The following HDAC8 variants were observed in gnomAD, a reference collection of about 807,000 sequenced individuals.
HDAC8 encodes the protein histone deacetylase-like 1.
HDAC8 carries 1 observed loss-of-function variant against 32.2 expected under a neutral mutation model. The observed-to-expected ratio is 0.03, with a 90% CI of 0.01 to 0.15. The LOEUF is 0.15. Ranked by LOEUF, HDAC8 falls within the 10% of genes least tolerant of loss-of-function variation. The pLI is 1.00. For missense variants in HDAC8, 117 were observed against 300.0 expected, an observed-to-expected ratio of 0.39 and a Z score of 4.51; for synonymous variants, 108 against 113.9, an observed-to-expected ratio of 0.95 and a Z score of 0.33.
chrX:72,469,808 C>G (rs1165576809), intron 7 of HDAC8, among the ~76,000 whole-genome samples: 1 of 111,392 alleles, frequency 9.0e-6, no homozygotes, highest in Non-Finnish European at 1.9e-5. Context: ...AGCAGCTAGT[C>G]TAATTTTTGA....
chrX:72,378,856 T>G (rs782225282), intron 9 of HDAC8, among the ~76,000 whole-genome samples: 1 of 110,806 alleles, frequency 9.0e-6, no homozygotes, highest in East Asian at 2.8e-4. Context: ...GCCTGAAGGA[T>G]TCCCTTCAGT....
chrX:72,506,355 C>T (rs1030107742), intron 4 of HDAC8, among the ~76,000 whole-genome samples: 1 of 111,770 alleles, frequency 8.9e-6, no homozygotes, highest in African/African-American at 3.3e-5. Flanking sequence ...AATTGGGCAG[C>T]TGCATCTGGT....
intron 9 of HDAC8, among the ~76,000 whole-genome samples, chrX:72,453,885 G>A (rs2047654236): frequency 8.9e-6 from 1 of 112,429 alleles, no homozygotes; most frequent in Admixed American, 9.4e-5. Context: ...AGAAGGCAAT[G>A]AAATAATATC....
chrX:72,329,671 C>T lies in HDAC8; in HGVS notation c.*383G>A. ...GGCCCAAACCCTGCCTGTCAGCTGC[C>T]TCCTGCCCTACAAACTGGTGACTGC... On this transcript the variant is annotated 3_prime_UTR_variant, in exon 11 of 11. Coordinates refer to ENST00000373573, the MANE Select transcript of HDAC8 (RefSeq NM_018486.3). 8.4e-7 allele frequency: 1 copy of T among 1,187,861 alleles called. No individual in the cohort carries two copies. The highest frequency in any genetic ancestry group is 3.1e-5 in the East Asian group (1 of 32,673).
intron 9 of HDAC8, among the ~76,000 whole-genome samples, chrX:72,384,828 G>A (rs1461155939): frequency 8.9e-6 from 1 of 112,048 alleles, no homozygotes; most frequent in African/African-American, 3.2e-5. Context: ...GAGACAGACT[G>A]CATATGTAAG....
rs782591865 is a variant in HDAC8, at chrX:72,348,422, G to A, written c.1111+3311C>T. 4.5e-5 allele frequency among the ~76,000 whole-genome samples: 5 copies of A among 112,285 alleles called. No individual in the cohort carries two copies. The South Asian group carries it at 1.1e-3, about 25-fold the overall frequency. ...TCAGAAAATTCAGCAGCCTTTCCAC[G>A]CTGACCATTGTCATGGCAACGCACT... On this transcript the variant is annotated intron_variant, in intron 10 of 10. Coordinates refer to ENST00000373573, the MANE Select transcript of HDAC8 (RefSeq NM_018486.3).
chrX:72,565,510 C>G (rs782777911), intron 4 of HDAC8, among the ~76,000 whole-genome samples: 1 of 111,879 alleles, frequency 8.9e-6, no homozygotes, highest in African/African-American at 3.3e-5. Context: ...TGTGGGTATC[C>G]CCATGTCTGT....
At position 72,432,144 on chromosome X, in the gene HDAC8, AT is replaced by A. The variant is rs535637013; in HGVS notation, c.1005+29859del. Among the ~76,000 whole-genome samples, 6 of 105,654 alleles carry A rather than the reference AT, an allele frequency of 5.7e-5. 1 individual carries two copies. In the East Asian group the frequency reaches 8.9e-4, roughly 16 times the overall value. 91.7% of individuals were successfully genotyped at this position (105,654 alleles called of 115,157 possible). A position where few individuals can be genotyped will look rare whatever the true frequency, so the allele number is the denominator to read the frequency against. The stretch of plus-strand genomic sequence containing the variant: ...TACCACCTCACCCAATTAATTTTTT[AT>A]TTTTTTTTTGTGGAGACAGGGTCTC... On this transcript the variant is annotated intron_variant, in intron 9 of 10. Coordinates refer to ENST00000373573, the MANE Select transcript of HDAC8 (RefSeq NM_018486.3).
In HDAC8 at chrX:72,557,492, T is replaced by C. The variant is rs367998606; in HGVS notation, c.437+10397A>G. Among the ~76,000 whole-genome samples the C allele has an allele frequency of 3.6e-5, 4 of 111,708 alleles. No homozygotes were observed. In the South Asian group the frequency reaches 1.1e-3, roughly 32 times the overall value. ...AATGAACATTGGGTCAACAATGAAA[T>C]CAAGACAAAAGTTAAAAAATTCTTT... On this transcript the variant is annotated intron_variant, in intron 4 of 10. Transcript: ENST00000373573.
chrX:72,407,183 T>C (rs1208885824), intron 9 of HDAC8, among the ~76,000 whole-genome samples: 2 of 112,668 alleles, frequency 1.8e-5, no homozygotes, highest in Non-Finnish European at 3.8e-5. Context: ...CCTGGATTAC[T>C]TGGGCGAGCT....
Position 72,490,919 on chromosome X carries a change from G to C in HDAC8, c.628+10C>G, listed in dbSNP as rs2048850532. The stretch of plus-strand genomic sequence containing the variant: ...TCATCAAATGTAATACTGAGTTTAT[G>C]ATCACTTGCCTGGGAAAAATCCTGG... On this transcript the variant is annotated intron_variant, in intron 6 of 10. Coordinates refer to ENST00000373573, the MANE Select transcript of HDAC8 (RefSeq NM_018486.3). The C allele has an allele frequency of 3.4e-6, 4 of 1,171,389 alleles. No homozygotes were observed. The highest frequency in any genetic ancestry group is 1.8e-5 in the African/African-American group (1 of 56,278).
At chrX:72,449,354 C>G (rs1387372054) in intron 9 of HDAC8, among the ~76,000 whole-genome samples, 1 of 111,182 alleles carries the variant, frequency 9.0e-6, no homozygotes, top group African/African-American at 3.3e-5. Flanking sequence ...CGCATGTTCT[C>G]AGTCATAAGT....
intron 9 of HDAC8, among the ~76,000 whole-genome samples, chrX:72,387,337 A>C (rs1406956295): frequency 8.9e-6 from 1 of 112,090 alleles, no homozygotes; most frequent in Non-Finnish European, 1.9e-5. Context: ...TCTCGTGCTT[A>C]AGGAGTTTAG....
chrX:72,416,569 C>T (rs2984285), intron 9 of HDAC8, among the ~76,000 whole-genome samples: 9,480 of 103,548 alleles, frequency 0.092, 1,104 homozygotes, highest in African/African-American at 0.31. Context: ...TATAACCTTC[C>T]TTCTACTTGC....
intron 4 of HDAC8, among the ~76,000 whole-genome samples, chrX:72,536,349 A>G (rs2050523926): frequency 1.8e-5 from 2 of 112,199 alleles, no homozygotes; most frequent in African/African-American, 6.5e-5. Context: ...CAGGAGACCT[A>G]GGTCTCTGCT....
intron 7 of HDAC8, among the ~76,000 whole-genome samples, chrX:72,471,249 C>A (rs1233332636): frequency 1.5e-4 from 17 of 112,460 alleles, no homozygotes; most frequent in Non-Finnish European, 3.2e-4. Flanking sequence ...GATGTTATTT[C>A]CACTTTTTGG....
At chrX:72,567,823 A>C (rs916855392) in intron 4 of HDAC8, 66 bp downstream of exon 4, 3 of 1,211,065 alleles carry the variant, frequency 2.5e-6, no homozygotes, top group Non-Finnish European at 3.4e-6. Flanking sequence ...AATAAGCATA[A>C]GAGTTTACAT....
intron 4 of HDAC8, among the ~76,000 whole-genome samples, chrX:72,525,588 T>A (rs994610985): frequency 1.8e-5 from 2 of 109,128 alleles, no homozygotes; most frequent in Non-Finnish European, 3.8e-5. Context: ...CCAAGGCGGG[T>A]GGATCACGAG....
At chrX:72,403,272 T>C in intron 9 of HDAC8, among the ~76,000 whole-genome samples, 1 of 111,748 alleles carries the variant, frequency 8.9e-6, no homozygotes. Context: ...TTCTGTAACA[T>C]TTTAATTCAT....
Sources: gnomAD v4.1 joint callset for allele counts (sites outside exome capture counted in the v4.1 genomes callset) on GRCh38, gnomAD v4.1.1 for gene constraint, MANE v1.5 for transcripts, NCBI Gene and HGNC (gene_info 2026-07-23, HGNC 2026-07-21) for gene names.